The following PRKN variants were observed in gnomAD, a reference collection of about 807,000 sequenced individuals.
The protein encoded by PRKN is parkin RBR E3 ubiquitin protein ligase, also known as E3 ubiquitin-protein ligase parkin.
A neutral mutation model predicts 59.5 loss-of-function variants in PRKN; 56 were observed. The observed-to-expected ratio is 0.94, with a 90% confidence interval of 0.76 to 1.18. The LOEUF is 1.18. PRKN is among the 50% of genes most tolerant of loss of function. PRKN has a pLI of 0.00. For synonymous variants in PRKN, 250 were observed against 222.1 expected, an observed-to-expected ratio of 1.13 and a Z score of -1.12; for missense variants, 657 against 596.4, an observed-to-expected ratio of 1.10 and a Z score of -1.06.
chr6:161,769,358 C>T lies in PRKN; in HGVS notation c.871+16414G>A, dbSNP rs202088904. Among the ~76,000 whole-genome samples, 41 of 152,140 alleles carry T rather than the reference C, an allele frequency of 2.7e-4. 2 individuals are homozygous for T. The highest frequency in any genetic ancestry group is 3.4e-3 in the Middle Eastern group (1 of 294). ...GTTCAGAATTCTCTTCATTTTAAAA[C>T]GAGGAAATCAGCTCGACATCCAGTT... On this transcript the variant is annotated intron_variant, in intron 7 of 11. Coordinates refer to ENST00000366898, the MANE Select transcript of PRKN (RefSeq NM_004562.3).
At chr6:161,638,108 C>G (rs952709340) in intron 7 of PRKN, among the ~76,000 whole-genome samples, 2 of 152,094 alleles carry the variant, frequency 1.3e-5, no homozygotes, top group African/African-American at 4.8e-5. Context: ...TTGCACAGAG[C>G]CTTGCAGTCT....
At chr6:162,204,931 C>T (rs976777079) in intron 3 of PRKN, among the ~76,000 whole-genome samples, 5 of 151,346 alleles carry the variant, frequency 3.3e-5, no homozygotes, top group South Asian at 2.1e-4. Flanking sequence ...GGTACAATCT[C>T]GGCTCACTGC....
intron 3 of PRKN, among the ~76,000 whole-genome samples, chr6:162,259,744 C>G (rs1583280322): frequency 7.0e-6 from 1 of 141,884 alleles, no homozygotes. Flanking sequence ...TGTTGAATGA[C>G]TGACTATGTT....
chr6:161,871,655 C>T (rs1044243942), intron 6 of PRKN, among the ~76,000 whole-genome samples: 1 of 152,196 alleles, frequency 6.6e-6, no homozygotes, highest in Admixed American at 6.5e-5. Context: ...GCTCCCTGTA[C>T]ACACTTTTTA....
At chr6:162,044,592 C>T (rs910431524) in intron 5 of PRKN, among the ~76,000 whole-genome samples, 22 of 152,206 alleles carry the variant, frequency 1.4e-4, no homozygotes, top group African/African-American at 5.1e-4. Context: ...GGATAGAGCT[C>T]CATCAAAGCA....
At chr6:161,680,374 G>A (rs1010224192) in intron 7 of PRKN, among the ~76,000 whole-genome samples, 2 of 152,096 alleles carry the variant, frequency 1.3e-5, no homozygotes, top group South Asian at 2.1e-4. Context: ...CAAAGCAATT[G>A]TGAATCCTTG....
At chr6:162,009,330 T>A (rs191281206) in intron 5 of PRKN, among the ~76,000 whole-genome samples, 1 of 151,008 alleles carries the variant, frequency 6.6e-6, no homozygotes, top group East Asian at 2.0e-4. Context: ...AATTTTGACA[T>A]AAAAATTGGG....
At chr6:161,590,026 T>G (rs1401117151) in intron 7 of PRKN, among the ~76,000 whole-genome samples, 1 of 151,922 alleles carries the variant, frequency 6.6e-6, no homozygotes, top group Non-Finnish European at 1.5e-5. Context: ...TGACCTCAGA[T>G]GATCCACGCA....
intron 2 of PRKN, among the ~76,000 whole-genome samples, chr6:162,413,219 T>A (rs892386789): frequency 4.6e-5 from 7 of 152,312 alleles, no homozygotes; most frequent in East Asian, 1.9e-4. Flanking sequence ...CTGTTTTTTT[T>A]ATTGTTGTTT....
intron 2 of PRKN, among the ~76,000 whole-genome samples, chr6:162,276,463 T>G (rs1230680300): frequency 1.3e-5 from 2 of 152,194 alleles, no homozygotes; most frequent in Non-Finnish European, 2.9e-5. Context: ...TGATTACAAC[T>G]AAAGATACTT....
chr6:162,583,014 C>T (rs186892831), intron 1 of PRKN, among the ~76,000 whole-genome samples: 16 of 152,262 alleles, frequency 1.1e-4, no homozygotes, highest in East Asian at 3.9e-4. Flanking sequence ...AATCCCCAAG[C>T]GGATGGGATT....
At chr6:162,475,962 G>A (rs1791990707) in intron 1 of PRKN, among the ~76,000 whole-genome samples, 1 of 134,058 alleles carries the variant, frequency 7.5e-6, no homozygotes, top group African/African-American at 2.6e-5. Flanking sequence ...ATGTTGGACA[G>A]GATGGTCTTG....
intron 2 of PRKN, among the ~76,000 whole-genome samples, chr6:162,357,248 G>C (rs764164328): frequency 4.6e-5 from 7 of 152,104 alleles, no homozygotes; most frequent in Non-Finnish European, 1.0e-4. Context: ...TAGTATCCAA[G>C]ATATACAAAG....
At chr6:161,890,905 CA>C (rs1321022052) in intron 6 of PRKN, among the ~76,000 whole-genome samples, 1 of 152,168 alleles carries the variant, frequency 6.6e-6, no homozygotes, top group African/African-American at 2.4e-5. Context: ...CCTTGCCAAC[CA>C]GTACACTAGA....
intron 4 of PRKN, among the ~76,000 whole-genome samples, chr6:162,062,542 T>C (rs887084495): frequency 5.3e-4 from 80 of 152,110 alleles, no homozygotes; most frequent in African/African-American, 1.8e-3. Context: ...ATGAGGTCAT[T>C]AGGGTGAGTC....
At chr6:162,281,984 A>T (rs1472344841) in intron 2 of PRKN, among the ~76,000 whole-genome samples, 1 of 152,186 alleles carries the variant, frequency 6.6e-6, no homozygotes, top group Admixed American at 6.5e-5. Context: ...TCACACGTGC[A>T]GTTCACAATA....
chr6:161,949,329 G>A (rs374374062), intron 6 of PRKN, among the ~76,000 whole-genome samples: 10 of 152,164 alleles, frequency 6.6e-5, no homozygotes, highest in African/African-American at 1.9e-4. Flanking sequence ...TGGCCAACAT[G>A]GTGAAACCCC....
At chr6:162,355,388 AATCTATCT>A (rs534864850) in intron 2 of PRKN, among the ~76,000 whole-genome samples, 2 of 151,360 alleles carry the variant, frequency 1.3e-5, no homozygotes, top group Admixed American at 6.6e-5. Flanking sequence ...CACCATCTGT[AATCTATCT>A]ATCTATCTAT....
intron 2 of PRKN, among the ~76,000 whole-genome samples, chr6:162,338,477 C>A (rs963954973): frequency 9.9e-5 from 15 of 152,200 alleles, no homozygotes; most frequent in African/African-American, 3.6e-4. Flanking sequence ...CGGTCTCCAG[C>A]CCCTAACCGC....
Sources: gnomAD v4.1 joint callset for allele counts (sites outside exome capture counted in the v4.1 genomes callset) on GRCh38, gnomAD v4.1.1 for gene constraint, MANE v1.5 for transcripts, NCBI Gene and HGNC (gene_info 2026-07-23, HGNC 2026-07-21) for gene names.